Variants in ASTN2 observed in about 807,000 individuals in gnomAD.
ASTN2 encodes the protein astrotactin 2, also known as astrotactin-2.
A neutral mutation model predicts 139.8 loss-of-function variants in ASTN2; 54 were observed. The observed-to-expected ratio is 0.39, with a 90% CI of 0.31 to 0.48. The LOEUF (loss-of-function observed/expected upper bound fraction) is 0.48. ASTN2 is among the 20% of genes least tolerant of loss of function. ASTN2 has a pLI of 0.95. For synonymous variants in ASTN2, 756 were observed against 719.5 expected (o/e 1.05, Z -0.81); for missense variants, 1,565 against 1,725.1 (o/e 0.91, Z 1.64).
chr9:116,761,844 A>T (rs1222799061), intron 13 of ASTN2, among the ~76,000 whole-genome samples: 2 of 152,166 alleles, frequency 1.3e-5, no homozygotes, highest in Non-Finnish European at 2.9e-5. Flanking sequence ...TCTGGCTGCT[A>T]TATGGAGAAT....
chr9:117,049,820 T>C (rs1441266270), intron 5 of ASTN2, among the ~76,000 whole-genome samples: 3 of 152,142 alleles, frequency 2.0e-5, no homozygotes, highest in African/African-American at 7.2e-5. Context: ...CTAAAGACTA[T>C]TCAACGTATA....
chr9:116,456,649 G>A (rs904317748), intron 20 of ASTN2, among the ~76,000 whole-genome samples: 23 of 152,098 alleles, frequency 1.5e-4, no homozygotes, highest in African/African-American at 4.8e-4. Flanking sequence ...AGGTGAACTC[G>A]TGCAGGGAAA....
intron 13 of ASTN2, among the ~76,000 whole-genome samples, chr9:116,790,744 C>T (rs1053116425): frequency 2.7e-5 from 4 of 146,506 alleles, no homozygotes; most frequent in African/African-American, 7.6e-5. Flanking sequence ...GGTGTGATCT[C>T]GGCTCACTGC....
At chr9:117,183,141 G>A (rs1168239848) in intron 3 of ASTN2, among the ~76,000 whole-genome samples, 1 of 152,020 alleles carries the variant, frequency 6.6e-6, no homozygotes, top group Non-Finnish European at 1.5e-5. Context: ...TGGCAGCTTT[G>A]TGTTAATTAA....
At chr9:116,619,037 A>G (rs764346939) in intron 18 of ASTN2, among the ~76,000 whole-genome samples, 1 of 152,114 alleles carries the variant, frequency 6.6e-6, no homozygotes, top group Non-Finnish European at 1.5e-5. Context: ...AAAGGGGGAA[A>G]GGCTCAAAAA....
At chr9:116,902,866 A>G (rs908838501) in intron 10 of ASTN2, among the ~76,000 whole-genome samples, 1 of 152,034 alleles carries the variant, frequency 6.6e-6, no homozygotes, top group African/African-American at 2.4e-5. Flanking sequence ...TTACTTCTTT[A>G]CTTTACAACT....
chr9:117,090,381 A>T (rs1180377850), intron 5 of ASTN2, among the ~76,000 whole-genome samples: 1 of 152,058 alleles, frequency 6.6e-6, no homozygotes, highest in Non-Finnish European at 1.5e-5. Flanking sequence ...CACTCTCCAT[A>T]TTGATGGCTA....
rs1355300467 is a variant in ASTN2 at position 116,425,417 on chromosome 9, A to G, written c.*434T>C. On this transcript the variant is annotated 3_prime_UTR_variant, in exon 23 of 23. Transcript: ENST00000313400. ...CTTCCTTCCTGGTGCTGAAGAGGTC[A>G]AAACTGTCTCCTCTAGGGGTCAGGT... is the stretch of plus-strand genomic sequence containing the variant. The G allele has an allele frequency of 1.4e-6, 1 of 732,536 alleles. No homozygotes were observed. Among genetic ancestry groups the G allele is most frequent in the Non-Finnish European group, 2.3e-6 (1 of 429,956 alleles). The allele number at this position is 732,536 out of a possible 1,614,324, so 45.4% of individuals were successfully genotyped here. A position where few individuals can be genotyped will look rare whatever the true frequency, so the allele number is the denominator to read the frequency against.
chr9:116,562,872 A>C (rs2131666882), intron 19 of ASTN2, among the ~76,000 whole-genome samples: 1 of 152,246 alleles, frequency 6.6e-6, no homozygotes, highest in Non-Finnish European at 1.5e-5. Flanking sequence ...TGTTCATTTA[A>C]CACTGCATTT....
intron 8 of ASTN2, among the ~76,000 whole-genome samples, chr9:116,976,394 T>A (rs1836342467): frequency 6.6e-6 from 1 of 152,200 alleles, no homozygotes; most frequent in South Asian, 2.1e-4. Flanking sequence ...CATTCAGGAG[T>A]CTGTTTAAAA....
chr9:117,277,011 A>G (rs1399694812), intron 2 of ASTN2: 2 of 152,340 alleles, frequency 1.3e-5, no homozygotes, highest in East Asian at 3.9e-4. Flanking sequence ...TGGCTGCAAC[A>G]TCTGTCACTC....
At chr9:116,692,179 C>T (rs1315239425) in intron 16 of ASTN2, among the ~76,000 whole-genome samples, 1 of 152,190 alleles carries the variant, frequency 6.6e-6, no homozygotes, top group East Asian at 1.9e-4. Context: ...TCTAGAGAAC[C>T]ACCCCATGGT....
chr9:116,627,024 T>C (rs1856502633), intron 17 of ASTN2, among the ~76,000 whole-genome samples: 1 of 152,220 alleles, frequency 6.6e-6, no homozygotes, highest in South Asian at 2.1e-4. Context: ...GAGGCCCCAT[T>C]CCTTAGGAAT....
Position 116,698,312 on chromosome 9 carries a change from T to A in ASTN2, c.2806+27459A>T, listed in dbSNP as rs1459582736. ...AAGCAGTTCTCCAGGAGTATGGGCA[T>A]GAGGAGCGCAGGGTCCAGGATGAGC... On this transcript the variant is annotated intron_variant, in intron 16 of 22. Transcript: ENST00000313400. The surrounding 1 kb of genome is among the most constrained non-coding windows in gnomAD (Gnocchi z 4.4). 4 of 1,614,034 alleles carry A rather than the reference T, an allele frequency of 2.5e-6. No homozygotes were observed. In the South Asian group the frequency reaches 4.4e-5, roughly 18 times the overall value.
intron 19 of ASTN2, among the ~76,000 whole-genome samples, chr9:116,529,705 C>A (rs1851239004): frequency 6.6e-6 from 1 of 151,976 alleles, no homozygotes; most frequent in African/African-American, 2.4e-5. Flanking sequence ...AGGGCAGTCT[C>A]CCCTATGCTG....
chr9:117,003,557 T>TGTGTGTGTGTGTGTGTG (rs1837256188), intron 7 of ASTN2, among the ~76,000 whole-genome samples: 2 of 3,424 alleles, frequency 5.8e-4, no homozygotes, highest in Non-Finnish European at 9.4e-4. Context: ...GTGTGTGTAT[T>TGTGTGTGTGTGTGTGTG]TAAATCTAGA....
intron 3 of ASTN2, among the ~76,000 whole-genome samples, chr9:117,208,015 C>T (rs1831994677): frequency 6.6e-6 from 1 of 152,150 alleles, no homozygotes; most frequent in Admixed American, 6.5e-5. Context: ...TAAGTCTTTC[C>T]TTATGAAACC....
intron 2 of ASTN2, among the ~76,000 whole-genome samples, chr9:117,241,366 G>A (rs1833200599): frequency 6.6e-6 from 1 of 152,170 alleles, no homozygotes; most frequent in African/African-American, 2.4e-5. Flanking sequence ...ATCAGTGCAA[G>A]CAGGGAGAAT....
At chr9:116,573,001 ATGTGGG>A (rs1426995159) in intron 19 of ASTN2, among the ~76,000 whole-genome samples, 3,290 of 140,780 alleles carry the variant, frequency 0.023, 95 homozygotes, top group African/African-American at 0.074. Flanking sequence ...GCGTGCACAC[ATGTGGG>A]TACATGCACA....
Sources: allele counts gnomAD v4.1 joint callset (sites outside exome capture counted in the v4.1 genomes callset), GRCh38; gene constraint gnomAD v4.1.1; non-coding constraint Gnocchi (gnomAD v3.1); transcripts MANE v1.5; gene names NCBI Gene and HGNC (gene_info 2026-07-23, HGNC 2026-07-21).